Variants in SBNO1 observed in about 807,000 individuals in gnomAD.
SBNO1 encodes the protein strawberry notch homolog 1.
SBNO1 carries 23 observed loss-of-function variants against 173.6 expected under a neutral mutation model. The observed-to-expected ratio is 0.13, with a 90% CI of 0.10 to 0.19. The LOEUF (loss-of-function observed/expected upper bound fraction) is 0.19. Among genes scored for constraint, SBNO1 ranks in the 10% least tolerant of loss-of-function variants. The pLI, the probability that SBNO1 is intolerant of heterozygous loss-of-function variation, is 1.00. For missense variants in SBNO1, 1,238 were observed against 1,671.2 expected (o/e 0.74, Z 4.52); for synonymous variants, 632 against 571.5 (o/e 1.11, Z -1.51).
chr12:123,345,689 T>A (rs780456105), intron 3 of SBNO1, 119 bp from the exon 4 acceptor site: 1 of 874,906 alleles, frequency 1.1e-6, no homozygotes. Flanking sequence ...TTGCTTTTTT[T>A]TTTTCTTTGA....
rs1212645729 is a variant in SBNO1 at position 123,327,586 on chromosome 12, A to C, written c.1539-7T>G. On this transcript the variant is annotated splice_region_variant and splice_polypyrimidine_tract_variant and intron_variant, in intron 12 of 31. Transcript: ENST00000602398. Reference sequence around the variant, plus strand: ...TTCCATGGCACCAACTCCTCTGAATAAAATTAAAACATACAGTAATTACCA... The same window carrying C: ...TTCCATGGCACCAACTCCTCTGAATCAAATTAAAACATACAGTAATTACCA... The C allele has an allele frequency of 1.9e-6, 3 of 1,612,330 alleles. No individual in the cohort carries two copies. The highest frequency in any genetic ancestry group is 2.5e-6 in the Non-Finnish European group (3 of 1,178,888).
At position 123,361,448 on chromosome 12, in the gene SBNO1, T is replaced by C. The variant is rs1875157427; in HGVS notation, c.-1+3253A>G. Among the ~76,000 whole-genome samples, 2 of 151,766 alleles carry C rather than the reference T, an allele frequency of 1.3e-5. 1 individual carries two copies. The highest frequency in any genetic ancestry group is 4.8e-5 in the African/African-American group (2 of 41,258). On this transcript the variant is annotated intron_variant, in intron 1 of 31. Transcript: ENST00000602398. Reference sequence around the variant, plus strand: ...TTGTAATCCCAGCTACTCGGGAGGCTGAGGCAGGAAAATGACTTGAACCCG... The same window carrying C: ...TTGTAATCCCAGCTACTCGGGAGGCCGAGGCAGGAAAATGACTTGAACCCG...
chr12:123,315,047 T>C (rs1182138632), intron 23 of SBNO1, among the ~76,000 whole-genome samples: 1 of 152,100 alleles, frequency 6.6e-6, no homozygotes, highest in Non-Finnish European at 1.5e-5. Context: ...CTGGCCTTTA[T>C]ATATATTTTA....
chr12:123,350,369 C>T lies in SBNO1; in HGVS notation c.73G>A (p.Asp25Asn). 1 of 1,614,122 alleles carries T rather than the reference C, an allele frequency of 6.2e-7. No homozygotes were observed. Among genetic ancestry groups the T allele is most frequent in the Non-Finnish European group, 8.5e-7 (1 of 1,179,974 alleles). ...AGCCCTGCATCTCCACCATCAATAT[C>T]AAAGAGGTCATTCGGACTAATTCCA... is the stretch of plus-strand genomic sequence containing the variant. ...ESGISPNDLFDIDGGDAGLAT... is the reference protein window; with the variant it reads ...ESGISPNDLFNIDGGDAGLAT... Residue 25 changes from aspartate (D) to asparagine (N), a missense_variant, in exon 2 of 32, where the codon GAT becomes AAT. By Grantham distance (23) the Asp-to-Asn change is conservative. Coordinates refer to ENST00000602398, the MANE Select transcript of SBNO1 (RefSeq NM_001167856.3).
chr12:123,363,789 T>A, intron 1 of SBNO1: 1 of 894,170 alleles, frequency 1.1e-6, no homozygotes, highest in Non-Finnish European at 1.3e-6. Context: ...TGTGCGAGGA[T>A]CAAGTTAGTG....
intron 5 of SBNO1, among the ~76,000 whole-genome samples, chr12:123,338,921 CCCCT>C (rs796472227): frequency 0.38 from 11,843 of 31,040 alleles, 1,587 homozygotes; most frequent in African/African-American, 0.48. Context: ...CGCCCCCCCC[CCCCT>C]CCCCGACTAG....
chr12:123,332,539 G>C (rs1420023766), intron 7 of SBNO1, among the ~76,000 whole-genome samples: 3 of 150,336 alleles, frequency 2.0e-5, no homozygotes, highest in Non-Finnish European at 4.4e-5. Context: ...TGATCCGCCA[G>C]CTTCAGCCTC....
At position 123,294,665 on chromosome 12, in the gene SBNO1, AAAAAG is replaced by A. The variant is rs1194033353; in HGVS notation, c.*1238_*1242del. ...AAAAAAAAAAAAAAAAAAAAAAGAA[AAAAAG>A]AAAAGAAAGAAAAAGAAAGAAAAGA... On this transcript the variant is annotated 3_prime_UTR_variant, in exon 32 of 32. Coordinates refer to ENST00000602398, the MANE Select transcript of SBNO1 (RefSeq NM_001167856.3). 6.0e-6 allele frequency: 1 copy of A among 165,682 alleles called. No individual in the cohort carries two copies. Among genetic ancestry groups the A allele is most frequent in the African/African-American group, 2.5e-5 (1 of 39,344 alleles). 10.3% of individuals were successfully genotyped at this position (165,682 alleles called of 1,614,324 possible). A position where few individuals can be genotyped will look rare whatever the true frequency, so the allele number is the denominator to read the frequency against.
At chr12:123,331,486 G>A in intron 7 of SBNO1, 111 bp from the exon 8 acceptor site, 1 of 962,126 alleles carries the variant, frequency 1.0e-6, no homozygotes, top group Non-Finnish European at 1.5e-6. Flanking sequence ...TTTTGTATAT[G>A]TATTTTGTGA....
chr12:123,332,884 G>A (rs1038014003), intron 7 of SBNO1, among the ~76,000 whole-genome samples: 1 of 152,124 alleles, frequency 6.6e-6, no homozygotes, highest in Non-Finnish European at 1.5e-5. Flanking sequence ...CAGCACTTTG[G>A]GAGGCCGAGA....
chr12:123,318,669 G>A (rs1471410130), intron 20 of SBNO1, among the ~76,000 whole-genome samples: 1 of 150,794 alleles, frequency 6.6e-6, no homozygotes, highest in East Asian at 2.0e-4. Context: ...GGAGGTGAAG[G>A]TAGCAGTGAG....
chr12:123,315,135 A>C (rs923439922), intron 23 of SBNO1, among the ~76,000 whole-genome samples: 1 of 152,224 alleles, frequency 6.6e-6, no homozygotes, highest in Non-Finnish European at 1.5e-5. Context: ...CTCACAGTTA[A>C]TTCAGTCTCA....
chr12:123,326,442 T>C, intron 13 of SBNO1, 108 bp from the exon 14 acceptor site: 1 of 590,212 alleles, frequency 1.7e-6, no homozygotes, highest in Non-Finnish European at 2.6e-6. Context: ...TAATATTAAT[T>C]TAATAAATCA....
chr12:123,296,315 T>C (rs983173456), intron 31 of SBNO1, among the ~76,000 whole-genome samples: 1 of 126,886 alleles, frequency 7.9e-6, no homozygotes, highest in African/African-American at 2.9e-5. Context: ...ATATCTATTA[T>C]TCTCTTTTTA....
intron 9 of SBNO1, 42 bp downstream of exon 9, chr12:123,330,377 C>A: frequency 8.8e-7 from 1 of 1,141,160 alleles, no homozygotes; most frequent in South Asian, 1.3e-5. Context: ...ACAGATGAGT[C>A]AATATTTATT....
At chr12:123,357,353 G>C (rs1876279406) in intron 1 of SBNO1, among the ~76,000 whole-genome samples, 1 of 152,094 alleles carries the variant, frequency 6.6e-6, no homozygotes, top group African/African-American at 2.4e-5. Flanking sequence ...CAGAGGCTGA[G>C]ACAGGAGAAC....
At chr12:123,307,328 A>G (rs572961539) in intron 28 of SBNO1, among the ~76,000 whole-genome samples, 59 of 152,168 alleles carry the variant, frequency 3.9e-4, no homozygotes, top group Non-Finnish European at 7.2e-4. Flanking sequence ...AACTGAAGTA[A>G]GATTAAGAAG....
At chr12:123,304,551 T>C in intron 29 of SBNO1, 31 bp downstream of exon 29, 1 of 1,452,212 alleles carries the variant, frequency 6.9e-7, no homozygotes, top group Non-Finnish European at 9.6e-7. Flanking sequence ...TAAGTATTCC[T>C]ATATAATATA....
At chr12:123,307,882 G>A (rs2048959144) in intron 28 of SBNO1, among the ~76,000 whole-genome samples, 1 of 152,176 alleles carries the variant, frequency 6.6e-6, no homozygotes, top group Non-Finnish European at 1.5e-5. Context: ...GGCCATCCTG[G>A]CTAACACAGT....
Sources: allele counts gnomAD v4.1 joint callset (sites outside exome capture counted in the v4.1 genomes callset), GRCh38; gene constraint gnomAD v4.1.1; transcripts MANE v1.5; gene names NCBI Gene and HGNC (gene_info 2026-07-23, HGNC 2026-07-21).